Variants in CRACD observed in about 807,000 individuals in gnomAD.
CRACD encodes capping protein inhibiting regulator of actin dynamics.
A neutral mutation model predicts 106.8 loss-of-function variants in CRACD; 56 were observed. The observed-to-expected ratio is 0.52, with a 90% CI of 0.42 to 0.66. CRACD has a LOEUF of 0.66. Ranked by LOEUF, CRACD falls within the 30% of genes least tolerant of loss-of-function variation. The pLI, the probability that CRACD is intolerant of heterozygous loss-of-function variation, is 0.00. For synonymous variants in CRACD, 754 were observed against 670.8 expected (o/e 1.12, Z -1.92); for missense variants, 1,730 against 1,623.2 (o/e 1.07, Z -1.13).
chr4:56,146,798 T>C (rs1735399090), intron 1 of CRACD, among the ~76,000 whole-genome samples: 2 of 152,242 alleles, frequency 1.3e-5, no homozygotes, highest in Non-Finnish European at 1.5e-5. Context: ...GCAACTATCA[T>C]TGTAACTGGC....
intron 1 of CRACD, among the ~76,000 whole-genome samples, chr4:56,065,105 T>G (rs149333577): frequency 0.012 from 1,841 of 151,748 alleles, 35 homozygotes; most frequent in African/African-American, 0.042. Flanking sequence ...ATTTTTTTTT[T>G]GAGATGGAGT....
At chr4:56,093,331 T>A (rs1023632782) in intron 1 of CRACD, among the ~76,000 whole-genome samples, 1 of 152,198 alleles carries the variant, frequency 6.6e-6, no homozygotes, top group African/African-American at 2.4e-5. Flanking sequence ...CTTGGGGATG[T>A]GTCTGGAACT....
At chr4:56,182,901 GTA>G (rs1491375448) in intron 2 of CRACD, among the ~76,000 whole-genome samples, 2 of 140,802 alleles carry the variant, frequency 1.4e-5, no homozygotes, top group Non-Finnish European at 3.1e-5. Context: ...GTGTGTGTGT[GTA>G]TGGCTCCCTG....
rs374089862 is a variant in CRACD, at chr4:56,087,035, G to A, written c.-336+37736G>A. On this transcript the variant is annotated intron_variant, in intron 1 of 10. Transcript: ENST00000682029. Reference sequence around the variant, plus strand: ...TTTTGTCTTTTTTTTATTTTGAAACGGAGTCTCCCTCTGTCACCCAGGCTG... The same window carrying A: ...TTTTGTCTTTTTTTTATTTTGAAACAGAGTCTCCCTCTGTCACCCAGGCTG... Among the ~76,000 whole-genome samples the A allele has an allele frequency of 5.3e-4, 80 of 151,790 alleles. 1 individual carries two copies. The highest frequency in any genetic ancestry group is 1.8e-3 in the African/African-American group (76 of 41,380).
At chr4:56,288,867 A>C (rs553201463) in intron 3 of CRACD, among the ~76,000 whole-genome samples, 312 of 152,358 alleles carry the variant, frequency 2.0e-3, no homozygotes, top group Non-Finnish European at 3.8e-3. Flanking sequence ...AAAAAGGAGA[A>C]ACAACCCAAA....
At chr4:56,241,973 AAG>A (rs1468059610) in intron 2 of CRACD, among the ~76,000 whole-genome samples, 4 of 152,194 alleles carry the variant, frequency 2.6e-5, no homozygotes, top group Non-Finnish European at 2.9e-5. Flanking sequence ...TCTCAGAATA[AAG>A]AGAGGCCTTA....
At chr4:56,058,578 T>C (rs1732165424) in intron 1 of CRACD, among the ~76,000 whole-genome samples, 1 of 152,228 alleles carries the variant, frequency 6.6e-6, no homozygotes, top group East Asian at 1.9e-4. Context: ...GCAAAAGCCA[T>C]GGCCTCAGAA....
intron 1 of CRACD, among the ~76,000 whole-genome samples, chr4:56,144,995 C>G (rs1735332365): frequency 6.6e-6 from 1 of 152,112 alleles, no homozygotes; most frequent in African/African-American, 2.4e-5. Flanking sequence ...GCCATGTTGG[C>G]CAGGCTGGTC....
intron 1 of CRACD, among the ~76,000 whole-genome samples, chr4:56,146,435 A>G (rs1227941226): frequency 6.7e-6 from 1 of 149,644 alleles, no homozygotes; most frequent in Non-Finnish European, 1.5e-5. Flanking sequence ...TTTTATTATT[A>G]TACTTTAAGT....
intron 1 of CRACD, among the ~76,000 whole-genome samples, chr4:56,086,562 G>A (rs1003432303): frequency 6.6e-6 from 1 of 151,944 alleles, no homozygotes; most frequent in Non-Finnish European, 1.5e-5. Flanking sequence ...GAGGTACCCC[G>A]GACACCTCCT....
chr4:56,204,832 T>G (rs1341436772), intron 2 of CRACD, among the ~76,000 whole-genome samples: 2 of 152,108 alleles, frequency 1.3e-5, no homozygotes, highest in Non-Finnish European at 2.9e-5. Flanking sequence ...AGTCAGGTCT[T>G]GAGAGGCTTT....
chr4:56,302,063 CTG>C (rs1435619624), intron 4 of CRACD, among the ~76,000 whole-genome samples: 3 of 152,108 alleles, frequency 2.0e-5, no homozygotes, highest in Non-Finnish European at 4.4e-5. Context: ...CCCCACCTGG[CTG>C]TATGGCTTTG....
At chr4:56,273,056 T>C (rs1269092979) in intron 3 of CRACD, among the ~76,000 whole-genome samples, 1 of 152,100 alleles carries the variant, frequency 6.6e-6, no homozygotes, top group Non-Finnish European at 1.5e-5. Flanking sequence ...TCGCTGCTCT[T>C]GTTTGTGGAA....
intron 2 of CRACD, among the ~76,000 whole-genome samples, chr4:56,236,127 G>T (rs1739956645): frequency 6.6e-6 from 1 of 152,150 alleles, no homozygotes; most frequent in Admixed American, 6.5e-5. Flanking sequence ...TTACAGTAAG[G>T]TCATTAGGGT....
chr4:56,257,237 A>G (rs767643901), intron 2 of CRACD, among the ~76,000 whole-genome samples: 9 of 152,128 alleles, frequency 5.9e-5, no homozygotes, highest in Non-Finnish European at 1.3e-4. Flanking sequence ...GCCCACCACC[A>G]TGCCTGGCTA....
At chr4:56,258,945 A>G (rs1741530521) in intron 2 of CRACD, among the ~76,000 whole-genome samples, 2 of 152,184 alleles carry the variant, frequency 1.3e-5, no homozygotes, top group African/African-American at 4.8e-5. Flanking sequence ...GTCTGAATCC[A>G]GTATATGGCA....
rs1746592035 is a variant in CRACD, at chr4:56,328,246, C to T, written c.*442C>T. The T allele has an allele frequency of 2.0e-6, 1 of 498,928 alleles. No homozygotes were observed. Among genetic ancestry groups the T allele is most frequent in the African/African-American group, 1.9e-5 (1 of 51,620 alleles). The allele number at this position is 498,928 out of a possible 1,614,324, so 30.9% of individuals were successfully genotyped here. A position where few individuals can be genotyped will look rare whatever the true frequency, so the allele number is the denominator to read the frequency against. On this transcript the variant is annotated 3_prime_UTR_variant, in exon 11 of 11. Transcript: ENST00000682029. The stretch of plus-strand genomic sequence containing the variant: ...ATATGTCTGGGAATGTTTATCCTTT[C>T]TACAGTAATGGTGAAAGGATCATAT...
intron 2 of CRACD, among the ~76,000 whole-genome samples, chr4:56,211,694 G>C (rs1017238636): frequency 6.6e-6 from 1 of 152,174 alleles, no homozygotes; most frequent in African/African-American, 2.4e-5. Flanking sequence ...TGGGGAGCGC[G>C]TGCTGATTGG....
rs2109808217 is a variant in CRACD at position 56,327,577 on chromosome 4, A to T, written c.3542-67A>T. On this transcript the variant is annotated intron_variant, in intron 10 of 10. Coordinates refer to ENST00000682029, the MANE Select transcript of CRACD (RefSeq NM_001393381.1). ...TAAATACATAGTTTATCATCTGTTAATTAAAAAGAAAATTTGTAGTGTGGC... is the reference window on the plus strand; with the variant it reads ...TAAATACATAGTTTATCATCTGTTATTTAAAAAGAAAATTTGTAGTGTGGC... The T allele has an allele frequency of 6.9e-6, 10 of 1,440,932 alleles. No individual in the cohort carries two copies. In the South Asian group the frequency reaches 1.2e-4, roughly 18 times the overall value. The allele number at this position is 1,440,932 out of a possible 1,614,324, so 89.3% of individuals were successfully genotyped here. A position where few individuals can be genotyped will look rare whatever the true frequency, so the allele number is the denominator to read the frequency against.
Sources: allele counts gnomAD v4.1 joint callset (sites outside exome capture counted in the v4.1 genomes callset), GRCh38; gene constraint gnomAD v4.1.1; transcripts MANE v1.5; gene names NCBI Gene and HGNC (gene_info 2026-07-23, HGNC 2026-07-21).